Variants in CNR2 observed in about 807,000 individuals in gnomAD.
CNR2 encodes the protein cannabinoid receptor 2 (macrophage).
For missense variants in CNR2, 379 were observed against 439.9 expected (o/e 0.86, Z 1.24); for synonymous variants, 172 against 182.2 (o/e 0.94, Z 0.45).
chr1:23,871,150 A>G lies in CNR2; in HGVS notation c.*3385T>C, dbSNP rs1201508171. Reference sequence around the variant, plus strand: ...AACCTGGGTGACAGAGTGAGATTCTATGTCAAAAAAAAAAAAAAAAAAAAA... The same window carrying G: ...AACCTGGGTGACAGAGTGAGATTCTGTGTCAAAAAAAAAAAAAAAAAAAAA... On this transcript the variant is annotated 3_prime_UTR_variant, in exon 2 of 2. Transcript: ENST00000374472. The G allele has an allele frequency of 2.5e-5, 2 of 80,298 alleles. No homozygotes were observed. Among genetic ancestry groups the G allele is most frequent in the East Asian group, 6.8e-4 (2 of 2,948 alleles). The allele number at this position is 80,298 out of a possible 1,614,324, so 5.0% of individuals were successfully genotyped here. A position where few individuals can be genotyped will look rare whatever the true frequency, so the allele number is the denominator to read the frequency against.
Position 23,874,702 on chromosome 1 carries a change from T to C in CNR2, c.916A>G (p.Ile306Val), listed in dbSNP as rs766834385. The change falls in exon 2 of 2, where the codon ATC (isoleucine) becomes GTC (valine). Residue 306 changes from isoleucine (I) to valine (V), a missense_variant. Ile to Val is a conservative substitution (Grantham distance 29). Coordinates refer to ENST00000374472, the MANE Select transcript of CNR2 (RefSeq NM_001841.3). ...PVIYALRSGE[I>V]RSSAHHCLAH... ...AGGCAGTGATGGGCAGAGGAGCGGA[T>C]CTCTCCACTCCGTAGAGCATAGATG... The C allele has an allele frequency of 1.9e-6, 3 of 1,614,038 alleles. No individual in the cohort carries two copies. The highest frequency in any genetic ancestry group is 4.5e-5 in the East Asian group (2 of 44,878).
chr1:23,875,828 A>C (rs2502991), intron 1 of CNR2, among the ~76,000 whole-genome samples, 166 bp from the exon 2 acceptor site: 1 of 151,746 alleles, frequency 6.6e-6, no homozygotes, highest in African/African-American at 2.4e-5. Context: ...CCATCCAAGC[A>C]GGAAGCCAGA....
Position 23,874,549 on chromosome 1 carries a change from G to A in CNR2, c.1069C>T (p.Leu357Phe), listed in dbSNP as rs148142264. The A allele has an allele frequency of 5.0e-6, 8 of 1,613,474 alleles. No homozygotes were observed. The highest frequency in any genetic ancestry group is 5.9e-6 in the Non-Finnish European group (7 of 1,179,822). ...AAGAGGCCTCATCAGCAATCAGAGA[G>A]GTCTAGATCTCTGGAATCTGGCCAC... Reference protein sequence around the residue: ...TPWPDSRDLDLSDC With the variant: ...TPWPDSRDLDFSDC Residue 357 changes from leucine (L) to phenylalanine (F), a missense_variant, in exon 2 of 2, where the codon CTC (leucine) becomes TTC (phenylalanine). Transcript: ENST00000374472.
chr1:23,904,158 G>GT (rs1236259060), intron 1 of CNR2, among the ~76,000 whole-genome samples: 6 of 150,778 alleles, frequency 4.0e-5, no homozygotes, highest in Non-Finnish European at 8.9e-5. Context: ...CAGAACTCTG[G>GT]TTTTTTTGTT....
chr1:23,897,481 A>ATTTTTTTTTTTTTTTTTTTTTTTTTTTT (rs35662001), intron 1 of CNR2, among the ~76,000 whole-genome samples: 3 of 149,902 alleles, frequency 2.0e-5, no homozygotes, highest in African/African-American at 7.4e-5. Flanking sequence ...TGTTAATAGA[A>ATTTTTTTTTTTTTTTTTTTTTTTTTTTT]TTTTTTTTTT....
In CNR2 at chr1:23,874,578, G is replaced by A. The variant is rs1639830850; in HGVS notation, c.1040C>T (p.Thr347Ile). Residue 347 changes from threonine to isoleucine, a missense_variant, in exon 2 of 2, where the codon ACT (threonine) becomes ATT (isoleucine). Transcript: ENST00000374472. Reference protein sequence around the residue: ...VTETEADGKITPWPDSRDLDL... With the variant: ...VTETEADGKIIPWPDSRDLDL... ...TAGATCTCTGGAATCTGGCCACGGAGTGATTTTCCCATCAGCCTCTGTCTC... is the reference window on the plus strand; with the variant it reads ...TAGATCTCTGGAATCTGGCCACGGAATGATTTTCCCATCAGCCTCTGTCTC... 1 of 1,614,120 alleles carries A rather than the reference G, an allele frequency of 6.2e-7. No homozygotes were observed. The highest frequency in any genetic ancestry group is 1.3e-5 in the African/African-American group (1 of 75,042).
chr1:23,883,971 C>T (rs900957082), intron 1 of CNR2, among the ~76,000 whole-genome samples: 3 of 152,260 alleles, frequency 2.0e-5, no homozygotes, highest in Non-Finnish European at 2.9e-5. Flanking sequence ...AGGAATATAA[C>T]ATTTTAGAGA....
At chr1:23,875,799 C>T in intron 1 of CNR2, 137 bp from the exon 2 acceptor site, 1 of 759,168 alleles carries the variant, frequency 1.3e-6, no homozygotes, top group East Asian at 2.7e-5. Flanking sequence ...GTTTTGTTTG[C>T]CTGTATTTTG....
At position 23,874,903 on chromosome 1, in the gene CNR2, G is replaced by T. The variant is rs747652812; in HGVS notation, c.715C>A (p.Leu239Met). Residue 239 changes from leucine (L) to methionine (M), a missense_variant, in exon 2 of 2, where the codon CTG (leucine) becomes ATG (methionine). Physicochemically the swap from Leu to Met is conservative, Grantham distance 15. Coordinates refer to ENST00000374472, the MANE Select transcript of CNR2 (RefSeq NM_001841.3). ...RQVPGMARMR[L>M]DVRLAKTLGL... ...AGGGTCTTGGCCAACCTCACATCCA[G>T]CCTCATTCGGGCCATTCCTGGCACC... The T allele has an allele frequency of 1.2e-6, 2 of 1,614,026 alleles. No individual in the cohort carries two copies. The highest frequency in any genetic ancestry group is 1.7e-6 in the Non-Finnish European group (2 of 1,179,962).
intron 1 of CNR2, among the ~76,000 whole-genome samples, chr1:23,881,700 C>T (rs1028863897): frequency 6.6e-6 from 1 of 151,578 alleles, no homozygotes; most frequent in African/African-American, 2.4e-5. Context: ...ATCAGCCTGA[C>T]CAACGTGAAG....
intron 1 of CNR2, among the ~76,000 whole-genome samples, chr1:23,877,068 G>A (rs1236347801): frequency 6.6e-6 from 1 of 152,010 alleles, no homozygotes; most frequent in Non-Finnish European, 1.5e-5. Flanking sequence ...AATGCATAAG[G>A]AAACATGAGC....
Position 23,881,436 on chromosome 1 carries a change from T to C in CNR2, c.-45-5774A>G, listed in dbSNP as rs140600989. ...TAATAAACCCCATCTCTACTAAAAATACAAAAATTAACCAGGCCTGGTGGT... is the reference window on the plus strand; with the variant it reads ...TAATAAACCCCATCTCTACTAAAAACACAAAAATTAACCAGGCCTGGTGGT... On this transcript the variant is annotated intron_variant, in intron 1 of 1. Transcript: ENST00000374472. Among the ~76,000 whole-genome samples the C allele has an allele frequency of 9.2e-3, 1,346 of 146,444 alleles. 15 individuals are homozygous for C. Among genetic ancestry groups the C allele is most frequent in the African/African-American group, 0.034 (1,312 of 39,158 alleles).
chr1:23,907,296 T>A (rs891489948), intron 1 of CNR2: 2 of 150,864 alleles, frequency 1.3e-5, no homozygotes, highest in Admixed American at 1.3e-4. Flanking sequence ...CATGGGAGGC[T>A]GAGGCAGGAT....
intron 1 of CNR2, chr1:23,907,911 G>T (rs1431674918): frequency 6.6e-6 from 1 of 151,036 alleles, no homozygotes; most frequent in African/African-American, 2.4e-5. Flanking sequence ...ATCAGCCAAA[G>T]CTGTAGCTGA....
At chr1:23,897,198 T>G (rs577612517) in intron 1 of CNR2, among the ~76,000 whole-genome samples, 1 of 152,020 alleles carries the variant, frequency 6.6e-6, no homozygotes, top group South Asian at 2.1e-4. Context: ...TGATGAGATC[T>G]CAAAAGGTCC....
At chr1:23,901,374 C>T in intron 1 of CNR2, 1 of 1,074,796 alleles carries the variant, frequency 9.3e-7, no homozygotes, top group Non-Finnish European at 1.3e-6. Flanking sequence ...CAAAGAGAGA[C>T]AAGGTTAAGT....
intron 1 of CNR2, among the ~76,000 whole-genome samples, chr1:23,896,375 C>T (rs1227341825): frequency 6.6e-6 from 1 of 152,240 alleles, no homozygotes; most frequent in Non-Finnish European, 1.5e-5. Context: ...ATCCATAAAA[C>T]AGGAGTAACA....
intron 1 of CNR2, among the ~76,000 whole-genome samples, chr1:23,892,454 C>A (rs1344498734): frequency 6.6e-6 from 1 of 152,124 alleles, no homozygotes; most frequent in African/African-American, 2.4e-5. Flanking sequence ...AAGCCTGGCA[C>A]AAAGTAAGCA....
At chr1:23,885,186 G>A (rs947053863) in intron 1 of CNR2, among the ~76,000 whole-genome samples, 4 of 151,882 alleles carry the variant, frequency 2.6e-5, no homozygotes, top group African/African-American at 9.7e-5. Flanking sequence ...GATCCCTTGA[G>A]CCCGGGAGTT....
Sources: allele counts gnomAD v4.1 joint callset (sites outside exome capture counted in the v4.1 genomes callset), GRCh38; gene constraint gnomAD v4.1.1; transcripts MANE v1.5; gene names NCBI Gene and HGNC (gene_info 2026-07-23, HGNC 2026-07-21).